Variants in GTF3C1 observed in about 807,000 individuals in gnomAD.
The protein encoded by GTF3C1 is general transcription factor IIIC subunit 1.
Under a neutral mutation model 226.7 loss-of-function variants are expected in GTF3C1, and 57 were observed. The ratio of observed to expected loss-of-function variants is 0.25; its 90% CI spans 0.20 to 0.31. GTF3C1 has a LOEUF of 0.31. GTF3C1 is among the 10% of genes least tolerant of loss of function. The pLI, the probability that GTF3C1 is intolerant of heterozygous loss-of-function variation, is 1.00. For synonymous variants in GTF3C1, 1,090 were observed against 1,084.8 expected, an observed-to-expected ratio of 1.00 and a Z score of -0.09; for missense variants, 2,217 against 2,776.1, an observed-to-expected ratio of 0.80 and a Z score of 4.53.
At chr16:27,494,699 G>C (rs1027324923) in intron 16 of GTF3C1, 64 bp downstream of exon 16, 21 of 1,248,890 alleles carry the variant, frequency 1.7e-5, no homozygotes, top group Non-Finnish European at 2.4e-5. Context: ...GCCCAGGTGA[G>C]TGTAGGCCCT....
intron 2 of GTF3C1, among the ~76,000 whole-genome samples, chr16:27,538,947 G>A (rs1334313396): frequency 4.4e-5 from 6 of 135,434 alleles, no homozygotes; most frequent in Non-Finnish European, 7.7e-5. Context: ...AGCACTCTTA[G>A]AAATGACTAT....
chr16:27,489,202 A>G, intron 20 of GTF3C1, 24 bp from the exon 21 acceptor site: 1 of 1,612,534 alleles, frequency 6.2e-7, no homozygotes, highest in Non-Finnish European at 8.5e-7. Context: ...AATCAACAGA[A>G]AAGAGCCCTT....
In GTF3C1 at chr16:27,516,809, T is replaced by C. The variant is rs556358956; in HGVS notation, c.974-4908A>G. On this transcript the variant is annotated intron_variant, in intron 6 of 36. Transcript: ENST00000356183. The stretch of plus-strand genomic sequence containing the variant: ...CACCATGCTCGGATCTTTTTTTTAT[T>C]TGTTGTAGAGACGGGATCTTGCTAT... Among the ~76,000 whole-genome samples, 11 of 152,258 alleles carry C rather than the reference T, an allele frequency of 7.2e-5. No homozygotes were observed. In the East Asian group the frequency reaches 2.1e-3, roughly 29 times the overall value.
intron 4 of GTF3C1, among the ~76,000 whole-genome samples, chr16:27,535,798 A>G (rs1457573748): frequency 3.3e-5 from 5 of 152,050 alleles, no homozygotes; most frequent in African/African-American, 1.2e-4. Flanking sequence ...TGGTGAGCGG[A>G]GATCGCGCCA....
chr16:27,549,750 G>A lies in GTF3C1; in HGVS notation c.141C>T (p.Leu47=). ...LPLEPCTQEF[L]WRALATHPGI... ...CCGGGTGCGTGGCGAGGGCCCGCCAGAGAAACTCCTGCGTGCAGGGTTCCA... is the reference window on the plus strand; with the variant it reads ...CCGGGTGCGTGGCGAGGGCCCGCCAAAGAAACTCCTGCGTGCAGGGTTCCA... The change falls in exon 1 of 37, where the codon CTC becomes CTT. Residue 47 remains leucine (L), a synonymous_variant. Transcript: ENST00000356183. 6.2e-7 allele frequency: 1 copy of A among 1,612,376 alleles called. No individual in the cohort carries two copies. Among genetic ancestry groups the A allele is most frequent in the Non-Finnish European group, 8.5e-7 (1 of 1,179,714 alleles).
chr16:27,546,131 GCCA>G (rs1341029886), intron 1 of GTF3C1, among the ~76,000 whole-genome samples: 1 of 152,158 alleles, frequency 6.6e-6, no homozygotes, highest in Non-Finnish European at 1.5e-5. Flanking sequence ...ACAGGTGGGA[GCCA>G]CCACAAGTGG....
At position 27,489,723 on chromosome 16, in the gene GTF3C1, C is replaced by A. The variant is rs573704094; in HGVS notation, c.3172G>T (p.Val1058Phe). Residue 1058 changes from valine (V) to phenylalanine (F), a missense_variant, in exon 20 of 37, where the codon GTC (valine) becomes TTC (phenylalanine). Around this residue, in one of 12 missense-constraint regions of GTF3C1, gnomAD observed 353 missense variants for 411.7 expected, o/e 0.86. Transcript: ENST00000356183. ...TGGTCTGTGCTGCTGTTCTTCCTGA[C>A]GCGCGGGCAGCGCACCACGCCTGGA... Reference protein sequence around the residue: ...TPLGVVRCPRVRKNSSTDQGS... With the variant: ...TPLGVVRCPRFRKNSSTDQGS... 4.3e-6 allele frequency: 7 copies of A among 1,611,760 alleles called. No individual in the cohort carries two copies. The highest frequency in any genetic ancestry group is 2.2e-5 in the South Asian group (2 of 90,850).
chr16:27,486,804 G>A (rs1199933964), intron 23 of GTF3C1, among the ~76,000 whole-genome samples: 2 of 152,216 alleles, frequency 1.3e-5, no homozygotes, highest in Non-Finnish European at 2.9e-5. Flanking sequence ...GCCTAGCACT[G>A]GTTTATGCTT....
chr16:27,493,217 T>A lies in GTF3C1; in HGVS notation c.2858A>T (p.Gln953Leu), dbSNP rs1233724272. The change falls in exon 17 of 37, where the codon CAG becomes CTG. Residue 953 changes from glutamine (Q) to leucine (L), a missense_variant. Gln to Leu is a moderately radical substitution (Grantham distance 113, BLOSUM62 -2). Coordinates refer to ENST00000356183, the MANE Select transcript of GTF3C1 (RefSeq NM_001520.4). ...GCCTCACCTCTTGTACAGAAGCTGC[T>A]GCCGAATGGGCCTGGGGAGAAAGCG... is the stretch of plus-strand genomic sequence containing the variant. ...LIRFLPRPIR[Q>L]QLLYKRRYIF... 6.2e-7 allele frequency: 1 copy of A among 1,606,196 alleles called. No homozygotes were observed. The highest frequency in any genetic ancestry group is 8.5e-7 in the Non-Finnish European group (1 of 1,172,850).
chr16:27,548,767 G>A (rs1357770721), intron 1 of GTF3C1, among the ~76,000 whole-genome samples: 2 of 152,160 alleles, frequency 1.3e-5, no homozygotes, highest in Non-Finnish European at 2.9e-5. Flanking sequence ...TCATAGGTGA[G>A]GATCAAGTGA....
In GTF3C1 at chr16:27,463,502, GC is replaced by G; in HGVS notation, c.5924+38del. On this transcript the variant is annotated intron_variant, in intron 35 of 36. Transcript: ENST00000356183. This position sits in a 1 kb window ranked among gnomAD's most constrained non-coding sequence, Gnocchi z 4.9. ...TCCTTACACTCGGTCCCTGTCAAGA[GC>G]CCCGCCCCAGGCCCCGGAGCCAGAA... is the stretch of plus-strand genomic sequence containing the variant. 8.1e-7 allele frequency: 1 copy of G among 1,227,562 alleles called. No individual in the cohort carries two copies. The highest frequency in any genetic ancestry group is 1.2e-6 in the Non-Finnish European group (1 of 829,018). 76.0% of individuals were successfully genotyped at this position (1,227,562 alleles called of 1,614,324 possible).
chr16:27,505,321 C>T (rs1350354280), intron 10 of GTF3C1, among the ~76,000 whole-genome samples: 1 of 152,166 alleles, frequency 6.6e-6, no homozygotes, highest in African/African-American at 2.4e-5. Flanking sequence ...ATGATATTGG[C>T]CATTTATCTA....
intron 5 of GTF3C1, 126 bp from the exon 6 acceptor site, chr16:27,528,847 A>G (rs2088872104): frequency 1.1e-6 from 1 of 927,394 alleles, no homozygotes; most frequent in Non-Finnish European, 1.7e-6. Context: ...ACTAATGAGG[A>G]AAGCCTGCCA....
Position 27,463,811 on chromosome 16 carries a change from C to T in GTF3C1, c.5873-219G>A. ...CACAGCGCCACATGCAAGCAGCGTC[C>T]CAGGCCCGGACAAGCCCCACATTGC... On this transcript the variant is annotated intron_variant, in intron 34 of 36. Coordinates refer to ENST00000356183, the MANE Select transcript of GTF3C1 (RefSeq NM_001520.4). This position sits in a 1 kb window ranked among gnomAD's most constrained non-coding sequence, Gnocchi z 4.9. 1 of 574,678 alleles carries T rather than the reference C, an allele frequency of 1.7e-6. No individual in the cohort carries two copies. The highest frequency in any genetic ancestry group is 3.1e-6 in the Non-Finnish European group (1 of 327,800). The allele number at this position is 574,678 out of a possible 1,614,324, so 35.6% of individuals were successfully genotyped here. A position where few individuals can be genotyped will look rare whatever the true frequency, so the allele number is the denominator to read the frequency against.
chr16:27,471,565 C>T lies in GTF3C1; in HGVS notation c.4526+183G>A, dbSNP rs1291387631. ...ACACAAAGAAGCTGCCAGCGCTCAC[C>T]TGATCCCCATACCACGAAGGAGGTA... is the stretch of plus-strand genomic sequence containing the variant. On this transcript the variant is annotated intron_variant, in intron 30 of 36. Transcript: ENST00000356183. The surrounding 1 kb of genome is among the most constrained non-coding windows in gnomAD (Gnocchi z 5.0). 5.2e-6 allele frequency: 3 copies of T among 580,676 alleles called. No individual in the cohort carries two copies. In the Admixed American group the frequency reaches 9.0e-5, roughly 17 times the overall value. The allele number at this position is 580,676 out of a possible 1,614,324, so 36.0% of individuals were successfully genotyped here.
At position 27,517,922 on chromosome 16, in the gene GTF3C1, G is replaced by A. The variant is rs79428520; in HGVS notation, c.974-6021C>T. On this transcript the variant is annotated intron_variant, in intron 6 of 36. Coordinates refer to ENST00000356183, the MANE Select transcript of GTF3C1 (RefSeq NM_001520.4). ...AATTTCAAATTTCCATCAGAAGCAC[G>A]ATTCATAGTAAAGGAAAAACCAGAG... 7.4e-4 allele frequency among the ~76,000 whole-genome samples: 113 copies of A among 152,276 alleles called. 3 individuals carry two copies. The East Asian group carries it at 0.017, about 23-fold the overall frequency.
chr16:27,465,882 C>A, intron 32 of GTF3C1: 2 of 306,394 alleles, frequency 6.5e-6, no homozygotes, highest in Non-Finnish European at 1.3e-5. Flanking sequence ...GAGTCCCTGA[C>A]CAGGGCTGGC....
At chr16:27,473,794 A>G (rs1449632358) in intron 29 of GTF3C1, among the ~76,000 whole-genome samples, 1 of 152,200 alleles carries the variant, frequency 6.6e-6, no homozygotes, top group African/African-American at 2.4e-5. Context: ...CATGCAGACC[A>G]TCAGACCTTA....
In GTF3C1 at chr16:27,469,623, A is replaced by C. The variant is rs1264496471; in HGVS notation, c.4815-73T>G. On this transcript the variant is annotated intron_variant, in intron 31 of 36. Coordinates refer to ENST00000356183, the MANE Select transcript of GTF3C1 (RefSeq NM_001520.4). The surrounding 1 kb of genome is among the most constrained non-coding windows in gnomAD (Gnocchi z 4.5). ...GCTACTGCAGCCTCTCCCCTCCCTC[A>C]AGAGGCCTCTGTGGCTGGGCTTCAG... The C allele has an allele frequency of 2.7e-5, 41 of 1,509,930 alleles. No homozygotes were observed. The highest frequency in any genetic ancestry group is 3.7e-5 in the Non-Finnish European group (41 of 1,105,746). The allele number at this position is 1,509,930 out of a possible 1,614,324, so 93.5% of individuals were successfully genotyped here.
Sources: allele counts gnomAD v4.1 joint callset (sites outside exome capture counted in the v4.1 genomes callset), GRCh38; gene constraint gnomAD v4.1.1; regional missense constraint gnomAD v4.1.1; non-coding constraint Gnocchi (gnomAD v3.1); transcripts MANE v1.5; gene names NCBI Gene and HGNC (gene_info 2026-07-23, HGNC 2026-07-21).